The following ERBB4 variants were observed in gnomAD, a reference collection of about 807,000 sequenced individuals.
ERBB4 encodes the protein receptor tyrosine-protein kinase erbB-4.
In ERBB4, 42 loss-of-function variants were observed where a neutral mutation model predicts 158.0. The observed-to-expected ratio is 0.27, with a 90% confidence interval of 0.21 to 0.34. ERBB4 has a LOEUF of 0.34. Ranked by LOEUF, ERBB4 falls within the 10% of genes least tolerant of loss-of-function variation. ERBB4 has a pLI of 1.00. For synonymous variants in ERBB4, 583 were observed against 558.7 expected (o/e 1.04, Z -0.61); for missense variants, 1,333 against 1,624.1 (o/e 0.82, Z 3.08).
chr2:211,962,382 CAG>C (rs2081202475), intron 2 of ERBB4, among the ~76,000 whole-genome samples: 2 of 152,158 alleles, frequency 1.3e-5, no homozygotes, highest in Admixed American at 1.3e-4. Context: ...ACAATTTAGG[CAG>C]AGAGAATAAT....
chr2:211,836,121 AT>A (rs1473579189), intron 3 of ERBB4, among the ~76,000 whole-genome samples: 5 of 152,184 alleles, frequency 3.3e-5, no homozygotes, highest in Admixed American at 6.6e-5. Flanking sequence ...TGCCTTCTTG[AT>A]GGGGATTTCT....
chr2:211,477,015 T>G (rs2064970940), intron 20 of ERBB4, among the ~76,000 whole-genome samples: 2 of 152,116 alleles, frequency 1.3e-5, no homozygotes, highest in Admixed American at 1.3e-4. Flanking sequence ...GGGTCAAACA[T>G]CATTCTGGAT....
At chr2:212,239,499 G>A (rs900466584) in intron 1 of ERBB4, among the ~76,000 whole-genome samples, 1 of 152,180 alleles carries the variant, frequency 6.6e-6, no homozygotes, top group Non-Finnish European at 1.5e-5. Context: ...TTCTACCTCA[G>A]TCGTGTTCCT....
rs1260462348 is a variant in ERBB4 at position 211,381,150 on chromosome 2, G to C, written c.*2465C>G. ...CACTCTGTGTCTTTACCCCTGAAAA[G>C]TTTGAGGGTGAACTTCACTAGAAGG... On this transcript the variant is annotated 3_prime_UTR_variant, in exon 28 of 28. Coordinates refer to ENST00000342788, the MANE Select transcript of ERBB4 (RefSeq NM_005235.3). The C allele has an allele frequency of 8.6e-6, 2 of 232,210 alleles. No individual in the cohort carries two copies. The highest frequency in any genetic ancestry group is 1.2e-4 in the East Asian group (2 of 16,468). The allele number at this position is 232,210 out of a possible 1,614,324, so 14.4% of individuals were successfully genotyped here.
chr2:211,702,695 T>C (rs1005799739), intron 11 of ERBB4, among the ~76,000 whole-genome samples: 6 of 152,122 alleles, frequency 3.9e-5, no homozygotes, highest in African/African-American at 9.7e-5. Context: ...GGTTAGGAGA[T>C]AGTAAAATGT....
intron 3 of ERBB4, among the ~76,000 whole-genome samples, chr2:211,882,486 T>A (rs1419351749): frequency 6.6e-6 from 1 of 152,170 alleles, no homozygotes; most frequent in Non-Finnish European, 1.5e-5. Context: ...ATATGACTGC[T>A]TGTCAATTAC....
At chr2:212,496,080 G>A (rs1690551848) in intron 1 of ERBB4, among the ~76,000 whole-genome samples, 6 of 152,010 alleles carry the variant, frequency 3.9e-5, no homozygotes, top group Admixed American at 3.9e-4. Flanking sequence ...TTATCCAATT[G>A]TAGTAATGAT....
At chr2:212,481,693 C>A (rs1331090987) in intron 1 of ERBB4, among the ~76,000 whole-genome samples, 1 of 152,152 alleles carries the variant, frequency 6.6e-6, no homozygotes, top group African/African-American at 2.4e-5. Flanking sequence ...TAATTTTCTT[C>A]TCATCTAGTT....
At chr2:211,604,257 G>C (rs1329196030) in intron 19 of ERBB4, among the ~76,000 whole-genome samples, 2 of 152,142 alleles carry the variant, frequency 1.3e-5, no homozygotes, top group African/African-American at 2.4e-5. Flanking sequence ...AACATAGTGG[G>C]TCACGAGATG....
chr2:211,609,868 C>T (rs2069126770), intron 19 of ERBB4, among the ~76,000 whole-genome samples: 1 of 152,136 alleles, frequency 6.6e-6, no homozygotes. Context: ...GACCTATTGT[C>T]CATTTCTTTA....
chr2:211,840,445 C>T (rs954959500), intron 3 of ERBB4, among the ~76,000 whole-genome samples: 3 of 152,066 alleles, frequency 2.0e-5, no homozygotes, highest in Admixed American at 6.6e-5. Flanking sequence ...TCACTTGTAA[C>T]GTTTGCCCTC....
chr2:212,137,510 T>C (rs2080311169), intron 1 of ERBB4, among the ~76,000 whole-genome samples: 1 of 152,192 alleles, frequency 6.6e-6, no homozygotes, highest in African/African-American at 2.4e-5. Flanking sequence ...CATAATCTTG[T>C]TCTTTTTTGT....
intron 1 of ERBB4, among the ~76,000 whole-genome samples, chr2:212,466,231 G>T (rs190660825): frequency 6.6e-6 from 1 of 152,122 alleles, no homozygotes. Context: ...AACAACACAG[G>T]TTTGAACTGC....
chr2:211,959,185 G>T (rs904707016), intron 2 of ERBB4, among the ~76,000 whole-genome samples: 3 of 151,686 alleles, frequency 2.0e-5, no homozygotes, highest in African/African-American at 7.3e-5. Flanking sequence ...AATGTTTATT[G>T]TCCCCCTCTA....
chr2:211,525,176 G>A (rs565430876), intron 20 of ERBB4, among the ~76,000 whole-genome samples: 19 of 152,202 alleles, frequency 1.2e-4, no homozygotes, highest in African/African-American at 4.1e-4. Context: ...AGTGGACTTC[G>A]GGGGCACATG....
At chr2:212,292,029 C>T (rs2086225306) in intron 1 of ERBB4, among the ~76,000 whole-genome samples, 1 of 151,712 alleles carries the variant, frequency 6.6e-6, no homozygotes, top group Non-Finnish European at 1.5e-5. Flanking sequence ...ATCCTTAATG[C>T]CTTTGGTTGT....
intron 25 of ERBB4, among the ~76,000 whole-genome samples, chr2:211,420,219 T>C (rs1030701477): frequency 6.6e-6 from 1 of 152,050 alleles, no homozygotes; most frequent in Non-Finnish European, 1.5e-5. Flanking sequence ...TTCTGAAATC[T>C]TGAAGGTATT....
chr2:212,337,345 T>C (rs1428043357), intron 1 of ERBB4, among the ~76,000 whole-genome samples: 1 of 152,122 alleles, frequency 6.6e-6, no homozygotes, highest in Non-Finnish European at 1.5e-5. Context: ...TGAACAAATT[T>C]ATATATTTCA....
chr2:211,752,499 AAAAAAAG>A lies in ERBB4; in HGVS notation c.557-1802_557-1796del, dbSNP rs1180673658. Among the ~76,000 whole-genome samples, 4 of 149,892 alleles carry A rather than the reference AAAAAAAG, an allele frequency of 2.7e-5. No homozygotes were observed. The East Asian group carries it at 6.0e-4, about 23-fold the overall frequency. The stretch of plus-strand genomic sequence containing the variant: ...AGAATACTACCTAACTGGAAAAAAA[AAAAAAAG>A]AAAAGAAAAGATAAAAGCAAATAGA... On this transcript the variant is annotated intron_variant, in intron 4 of 27. Transcript: ENST00000342788.
Sources: allele counts gnomAD v4.1 joint callset (sites outside exome capture counted in the v4.1 genomes callset), GRCh38; gene constraint gnomAD v4.1.1; transcripts MANE v1.5; gene names NCBI Gene and HGNC (gene_info 2026-07-23, HGNC 2026-07-21).